The following TTC7B variants were observed in gnomAD, a reference collection of about 807,000 sequenced individuals.
The protein encoded by TTC7B is tetratricopeptide repeat domain 7B.
Under a neutral mutation model 106.8 loss-of-function variants are expected in TTC7B, and 28 were observed. That is an observed-to-expected ratio of 0.26 (90% CI 0.19 to 0.36). TTC7B has a LOEUF of 0.36. Ranked by LOEUF, TTC7B falls within the 10% of genes least tolerant of loss-of-function variation. The pLI is 1.00. For missense variants in TTC7B, 862 were observed against 1,076.4 expected (o/e 0.80, Z 2.79); for synonymous variants, 405 against 430.6 (o/e 0.94, Z 0.74).
intron 17 of TTC7B, among the ~76,000 whole-genome samples, chr14:90,601,254 A>G (rs544524399): frequency 1.3e-5 from 2 of 152,298 alleles, no homozygotes; most frequent in Admixed American, 1.3e-4. Context: ...ATATATACCT[A>G]GATTTCTTTT....
intron 3 of TTC7B, among the ~76,000 whole-genome samples, chr14:90,760,803 C>T (rs1566874681): frequency 6.6e-6 from 1 of 152,208 alleles, no homozygotes. Context: ...TGCACCTATA[C>T]GCAGACCTAT....
At chr14:90,792,776 T>C (rs1891631966) in intron 1 of TTC7B, among the ~76,000 whole-genome samples, 2 of 152,056 alleles carry the variant, frequency 1.3e-5, no homozygotes, top group South Asian at 4.2e-4. Context: ...GAGACAAAGC[T>C]TGCACCAAGA....
At chr14:90,725,913 T>C (rs1469835602) in intron 5 of TTC7B, among the ~76,000 whole-genome samples, 2 of 152,244 alleles carry the variant, frequency 1.3e-5, no homozygotes, top group Non-Finnish European at 2.9e-5. Flanking sequence ...TTACAAAAGA[T>C]GGGTAAATAT....
intron 3 of TTC7B, among the ~76,000 whole-genome samples, chr14:90,780,470 A>AAGAAAG (rs10672789): frequency 6.1e-5 from 9 of 146,468 alleles, no homozygotes; most frequent in African/African-American, 2.1e-4. Flanking sequence ...GAAAGAAAGA[A>AAGAAAG]AAAGAAAGAA....
chr14:90,583,976 C>T (rs935469597), intron 18 of TTC7B, among the ~76,000 whole-genome samples: 1 of 152,160 alleles, frequency 6.6e-6, no homozygotes, highest in African/African-American at 2.4e-5. Flanking sequence ...CTGCCCAGGA[C>T]CCCCCAGAAA....
At position 90,578,847 on chromosome 14, in the gene TTC7B, G is replaced by A. The variant is rs1160616714; in HGVS notation, c.2108-539C>T. 6.6e-6 allele frequency among the ~76,000 whole-genome samples: 1 copy of A among 152,102 alleles called. No homozygotes were observed. The highest frequency in any genetic ancestry group is 1.5e-5 in the Non-Finnish European group (1 of 68,028). On this transcript the variant is annotated intron_variant, in intron 18 of 19. Coordinates refer to ENST00000328459, the MANE Select transcript of TTC7B (RefSeq NM_001010854.2). This position sits in a 1 kb window ranked among gnomAD's most constrained non-coding sequence, Gnocchi z 4.7. ...CAAGATGGCTGCCCCGCCACACCTG[G>A]CCCCTGAGCTCACCTCTGACCAGGG...
At chr14:90,815,654 G>A (rs1016448600) in intron 1 of TTC7B, among the ~76,000 whole-genome samples, 1 of 151,816 alleles carries the variant, frequency 6.6e-6, no homozygotes, top group Admixed American at 6.6e-5. Flanking sequence ...TCGAGTCTGC[G>A]CTTCCACCCA....
chr14:90,815,292 C>G (rs11623672), intron 1 of TTC7B, among the ~76,000 whole-genome samples: 2,326 of 152,244 alleles, frequency 0.015, 33 homozygotes, highest in Non-Finnish European at 0.027. Flanking sequence ...AATAAGGCCA[C>G]GTGGAGCTGT....
In TTC7B at chr14:90,530,619, GA is replaced by G. The variant is rs1889261015; in HGVS notation, c.*10748del. ...AGGAGGGTCAGAGGCAGAGAAGGAGGAGTCACAGAGATCGCTCTACAGCAGA... is the reference window on the plus strand; with the variant it reads ...AGGAGGGTCAGAGGCAGAGAAGGAGGGTCACAGAGATCGCTCTACAGCAGA... On this transcript the variant is annotated 3_prime_UTR_variant, in exon 20 of 20. Coordinates refer to ENST00000328459, the MANE Select transcript of TTC7B (RefSeq NM_001010854.2). 1.3e-5 allele frequency: 2 copies of G among 152,356 alleles called. No individual in the cohort carries two copies. The highest frequency in any genetic ancestry group is 4.1e-4 in the South Asian group (2 of 4,824). 9.4% of individuals were successfully genotyped at this position (152,356 alleles called of 1,614,324 possible).
At chr14:90,593,910 G>T in intron 17 of TTC7B, 1 of 298,892 alleles carries the variant, frequency 3.3e-6, no homozygotes, top group Non-Finnish European at 6.1e-6. Context: ...ACACAGCTGT[G>T]ATGATACTGG....
chr14:90,645,493 TC>T (rs1885403962), intron 14 of TTC7B, among the ~76,000 whole-genome samples: 1 of 152,060 alleles, frequency 6.6e-6, no homozygotes, highest in African/African-American at 2.4e-5. Flanking sequence ...TCAAACCCCC[TC>T]CCCTGGGGAA....
intron 5 of TTC7B, chr14:90,698,635 C>G (rs1887859918): frequency 6.6e-6 from 1 of 152,470 alleles, no homozygotes; most frequent in South Asian, 2.1e-4. Context: ...GCTGTCAGAA[C>G]TTGGGGTTCA....
At chr14:90,694,558 AGCCCAG>A in intron 6 of TTC7B, among the ~76,000 whole-genome samples, 2 of 149,982 alleles carry the variant, frequency 1.3e-5, no homozygotes, top group Middle Eastern at 7.2e-3. Flanking sequence ...CAAGTTCACA[AGCCCAG>A]TGACATATAT....
At chr14:90,542,502 ACT>A (rs1324883168) in intron 19 of TTC7B, among the ~76,000 whole-genome samples, 1 of 151,890 alleles carries the variant, frequency 6.6e-6, no homozygotes, top group Non-Finnish European at 1.5e-5. Context: ...TCCAATGGAC[ACT>A]CTCACTTTCT....
Sources: allele counts gnomAD v4.1 joint callset (sites outside exome capture counted in the v4.1 genomes callset), GRCh38; gene constraint gnomAD v4.1.1; non-coding constraint Gnocchi (gnomAD v3.1); transcripts MANE v1.5; gene names NCBI Gene and HGNC (gene_info 2026-07-23, HGNC 2026-07-21).